The following C16orf74 variants were observed in gnomAD, a reference collection of about 807,000 sequenced individuals.
C16orf74 encodes the protein uncharacterized protein C16orf74.
Under a neutral mutation model 6.5 loss-of-function variants are expected in C16orf74, and 10 were observed. That is an observed-to-expected ratio of 1.54 (90% CI 0.95 to 2.61). The LOEUF is 2.61. Ranked by LOEUF, C16orf74 falls within the 30% of genes most tolerant of loss-of-function variation. The pLI, the probability that C16orf74 is intolerant of heterozygous loss-of-function variation, is 0.00. For missense variants in C16orf74, 141 were observed against 105.9 expected, an observed-to-expected ratio of 1.33 and a Z score of -1.45; for synonymous variants, 60 against 42.5, an observed-to-expected ratio of 1.41 and a Z score of -1.60.
intron 1 of C16orf74, among the ~76,000 whole-genome samples, chr16:85,743,842 A>G (rs530830595): frequency 3.9e-5 from 6 of 152,248 alleles, no homozygotes; most frequent in Admixed American, 3.9e-4. Context: ...TCACGAGATC[A>G]GGAGATCGAG....
At chr16:85,747,922 C>A (rs949478510) in intron 1 of C16orf74, among the ~76,000 whole-genome samples, 1 of 151,884 alleles carries the variant, frequency 6.6e-6, no homozygotes, top group African/African-American at 2.4e-5. Flanking sequence ...CCCATCTCTA[C>A]TAAAAATACA....
At position 85,712,865 on chromosome 16, in the gene C16orf74, G is replaced by T. The variant is rs1189463774; in HGVS notation, c.29-2558C>A. Among the ~76,000 whole-genome samples the T allele has an allele frequency of 4.6e-5, 7 of 152,332 alleles. No homozygotes were observed. In the South Asian group the frequency reaches 1.2e-3, roughly 27 times the overall value. On this transcript the variant is annotated intron_variant, in intron 2 of 3. Coordinates refer to ENST00000284245, the MANE Select transcript of C16orf74 (RefSeq NM_206967.3). ...ATAGGAGAGTCTTTGTTTGCCGGGG[G>T]CTGTGGTTACACTGGGTGTCCAAAG...
At chr16:85,715,775 G>C (rs572636321) in intron 2 of C16orf74, among the ~76,000 whole-genome samples, 2 of 152,312 alleles carry the variant, frequency 1.3e-5, no homozygotes, top group African/African-American at 4.8e-5. Context: ...TGAGATCTAG[G>C]ACACACTGGC....
intron 1 of C16orf74, among the ~76,000 whole-genome samples, chr16:85,747,348 G>T (rs921132584): frequency 1.2e-4 from 18 of 152,126 alleles, no homozygotes; most frequent in Non-Finnish European, 1.9e-4. Context: ...ACTACTTGGG[G>T]GGCTGAGTTG....
At chr16:85,714,806 C>G (rs1490791139) in intron 2 of C16orf74, among the ~76,000 whole-genome samples, 1 of 151,916 alleles carries the variant, frequency 6.6e-6, no homozygotes, top group Non-Finnish European at 1.5e-5. Context: ...TCAGCGGCAC[C>G]CACACAGTCC....
chr16:85,719,557 G>A (rs1429941004), intron 2 of C16orf74, among the ~76,000 whole-genome samples: 1 of 152,124 alleles, frequency 6.6e-6, no homozygotes, highest in Non-Finnish European at 1.5e-5. Flanking sequence ...CAGCCTGTTT[G>A]CGCACAGCCT....
intron 1 of C16orf74, among the ~76,000 whole-genome samples, chr16:85,742,256 C>T (rs1011062740): frequency 1.3e-5 from 2 of 152,138 alleles, no homozygotes; most frequent in African/African-American, 2.4e-5. Flanking sequence ...GCCTGTAATC[C>T]CAGTTACTCA....
chr16:85,746,498 A>C (rs1034092788), intron 1 of C16orf74, among the ~76,000 whole-genome samples: 2 of 152,196 alleles, frequency 1.3e-5, no homozygotes, highest in African/African-American at 4.8e-5. Context: ...TAGACAGGGA[A>C]AGTGAATGAA....
chr16:85,744,325 G>C (rs1355975588), intron 1 of C16orf74: 2 of 151,952 alleles, frequency 1.3e-5, no homozygotes, highest in Admixed American at 6.6e-5. Flanking sequence ...CCCTTAGCTT[G>C]GCATGATGGT....
Position 85,710,204 on chromosome 16 carries a change from G to C in C16orf74, c.132C>G (p.Thr44=). The C allele has an allele frequency of 6.7e-7, 1 of 1,496,108 alleles. No individual in the cohort carries two copies. The highest frequency in any genetic ancestry group is 2.8e-5 in the Admixed American group (1 of 35,706). 92.7% of individuals were successfully genotyped at this position (1,496,108 alleles called of 1,614,324 possible). Residue 44 remains threonine (T), a synonymous_variant, in exon 3 of 4, where the codon ACC becomes ACG. Coordinates refer to ENST00000284245, the MANE Select transcript of C16orf74 (RefSeq NM_206967.3). ...DVPDIIITPP[T]PTGMMLPRDL... Reference sequence around the variant, plus strand: ...CCCTCGGCAGCATCATGCCCGTGGGGGTGGGGGGCGTGATGATGATGTCGG... The same window carrying C: ...CCCTCGGCAGCATCATGCCCGTGGGCGTGGGGGGCGTGATGATGATGTCGG...
chr16:85,743,579 G>C (rs1050098531), intron 1 of C16orf74: 5 of 152,168 alleles, frequency 3.3e-5, no homozygotes, highest in South Asian at 4.1e-4. Flanking sequence ...CAGAATTCTA[G>C]ATTGTTTGAG....
chr16:85,735,823 C>G lies in C16orf74; in HGVS notation c.-18-588G>C, dbSNP rs560461342. ...GATGTTCCTGCAACATGAGGCATCC[C>G]GAGTTCTAAGCAATTGAAAAATAGA... is the stretch of plus-strand genomic sequence containing the variant. On this transcript the variant is annotated intron_variant, in intron 1 of 3. Transcript: ENST00000284245. Among the ~76,000 whole-genome samples, 4 of 152,162 alleles carry G rather than the reference C, an allele frequency of 2.6e-5. No homozygotes were observed. In the East Asian group the frequency reaches 7.7e-4, roughly 29 times the overall value.
chr16:85,709,990 C>T (rs958747625), intron 3 of C16orf74, among the ~76,000 whole-genome samples, 174 bp downstream of exon 3: 3 of 152,244 alleles, frequency 2.0e-5, no homozygotes, highest in African/African-American at 7.2e-5. Context: ...AGGCTGGCGC[C>T]GTGGCAGGGG....
chr16:85,708,314 A>T (rs2053933798), intron 3 of C16orf74, among the ~76,000 whole-genome samples: 2 of 152,084 alleles, frequency 1.3e-5, no homozygotes, highest in South Asian at 4.1e-4. Flanking sequence ...TTTGTAGAGT[A>T]ACCCTGTGTC....
chr16:85,748,608 C>CA (rs1297896027), intron 1 of C16orf74, among the ~76,000 whole-genome samples: 1 of 151,830 alleles, frequency 6.6e-6, no homozygotes, highest in African/African-American at 2.4e-5. Flanking sequence ...GAAAAAACAA[C>CA]AAAAAAACCC....
intron 2 of C16orf74, among the ~76,000 whole-genome samples, chr16:85,733,333 C>T (rs2054210345): frequency 6.6e-6 from 1 of 152,138 alleles, no homozygotes; most frequent in South Asian, 2.1e-4. Context: ...TCCACTGACA[C>T]GAGGTCCCTA....
In C16orf74 at chr16:85,716,608, G is replaced by A. The variant is rs536570002; in HGVS notation, c.29-6301C>T. Among the ~76,000 whole-genome samples, 3 of 149,774 alleles carry A rather than the reference G, an allele frequency of 2.0e-5. No individual in the cohort carries two copies. The East Asian group carries it at 6.0e-4, about 30-fold the overall frequency. The stretch of plus-strand genomic sequence containing the variant: ...AGAAAAGGAGGGAGGAGGAAAGACA[G>A]GGCAGGAAGAGGAAGAGAGGAGGAG... On this transcript the variant is annotated intron_variant, in intron 2 of 3. Transcript: ENST00000284245.
intron 2 of C16orf74, among the ~76,000 whole-genome samples, chr16:85,715,765 T>C (rs1232029674): frequency 6.6e-6 from 1 of 152,118 alleles, no homozygotes; most frequent in Non-Finnish European, 1.5e-5. Flanking sequence ...GGAGGGGAGC[T>C]GAGATCTAGG....
At chr16:85,747,310 G>C (rs145431306) in intron 1 of C16orf74, among the ~76,000 whole-genome samples, 1 of 152,256 alleles carries the variant, frequency 6.6e-6, no homozygotes, top group African/African-American at 2.4e-5. Context: ...AAATTAGCTG[G>C]GTATGGTGGC....
Sources: gnomAD v4.1 joint callset for allele counts (sites outside exome capture counted in the v4.1 genomes callset) on GRCh38, gnomAD v4.1.1 for gene constraint, MANE v1.5 for transcripts, NCBI Gene and HGNC (gene_info 2026-07-23, HGNC 2026-07-21) for gene names.